Variants in ZNF831 observed in about 807,000 individuals in gnomAD.
ZNF831 encodes the protein zinc finger protein 831, also known as chromosome 20 open reading frame 174.
ZNF831 carries 59 observed loss-of-function variants against 95.8 expected under a neutral mutation model. That is an observed-to-expected ratio of 0.62 (90% CI 0.50 to 0.77). ZNF831 has a LOEUF of 0.77. Among genes scored for constraint, ZNF831 ranks in the 30% least tolerant of loss-of-function variants. ZNF831 has a pLI of 0.00. For missense variants in ZNF831, 2,205 were observed against 2,164.0 expected, an observed-to-expected ratio of 1.02 and a Z score of -0.38; for synonymous variants, 961 against 925.5, an observed-to-expected ratio of 1.04 and a Z score of -0.70.
At chr20:59,219,558 G>A (rs56278419) in intron 4 of ZNF831, among the ~76,000 whole-genome samples, 1 of 152,258 alleles carries the variant, frequency 6.6e-6, no homozygotes, top group African/African-American at 2.4e-5. Flanking sequence ...AGCATAAACA[G>A]GAGCATAGCA....
rs570218714 is a variant in ZNF831 at position 59,197,749 on chromosome 20, C to A, written c.3875+1744C>A. Among the ~76,000 whole-genome samples, 4 of 152,272 alleles carry A rather than the reference C, an allele frequency of 2.6e-5. No homozygotes were observed. In the South Asian group the frequency reaches 8.3e-4, roughly 32 times the overall value. On this transcript the variant is annotated intron_variant, in intron 3 of 5. Transcript: ENST00000371030. ...TGGGGCCTCTAAGCCTCATCATCAG[C>A]CCTGGCCCAAACTTGGTGGTGTGGG...
At chr20:59,138,887 G>T (rs541525716) in intron 1 of ZNF831, among the ~76,000 whole-genome samples, 3 of 152,292 alleles carry the variant, frequency 2.0e-5, no homozygotes, top group South Asian at 2.1e-4. Context: ...ACAGCCAGTG[G>T]ATGTTCCCTT....
chr20:59,161,321 G>A (rs747865419), upstream of ZNF831, among the ~76,000 whole-genome samples: 13 of 151,562 alleles, frequency 8.6e-5, no homozygotes, highest in African/African-American at 2.9e-4. Context: ...TCTGTAGTCC[G>A]GGCTGGAGTG....
intron 3 of ZNF831, among the ~76,000 whole-genome samples, chr20:59,202,060 A>G (rs1984569431): frequency 6.6e-6 from 1 of 152,176 alleles, no homozygotes; most frequent in South Asian, 2.1e-4. Flanking sequence ...TCAATGTCCA[A>G]TGCCCTGAAC....
At position 59,258,256 on chromosome 20, in the gene ZNF831, C is replaced by A. The variant is rs1421941567; in HGVS notation, c.*3513C>A. ...GCATGGTGGGTAACCTAGGGCAAGA[C>A]AGACTTTTTCTTCCTGAAATCACTC... On this transcript the variant is annotated 3_prime_UTR_variant, in exon 6 of 6. Transcript: ENST00000371030. 6.6e-6 allele frequency: 1 copy of A among 152,408 alleles called. No individual in the cohort carries two copies. The highest frequency in any genetic ancestry group is 2.4e-5 in the African/African-American group (1 of 41,428). The allele number at this position is 152,408 out of a possible 1,614,324, so 9.4% of individuals were successfully genotyped here. A position where few individuals can be genotyped will look rare whatever the true frequency, so the allele number is the denominator to read the frequency against.
chr20:59,251,933 TA>T, intron 4 of ZNF831, among the ~76,000 whole-genome samples: 1 of 152,284 alleles, frequency 6.6e-6, no homozygotes, highest in East Asian at 1.9e-4. Context: ...AATATTCGCC[TA>T]AATGAAAACA....
chr20:59,173,775 G>C (rs1216894720), intron 1 of ZNF831, among the ~76,000 whole-genome samples: 1 of 152,104 alleles, frequency 6.6e-6, no homozygotes, highest in Non-Finnish European at 1.5e-5. Context: ...GTAGACTTCT[G>C]TGCCCAGTCA....
intron 4 of ZNF831, among the ~76,000 whole-genome samples, chr20:59,247,654 T>A (rs1422963453): frequency 6.6e-6 from 1 of 152,220 alleles, no homozygotes; most frequent in Non-Finnish European, 1.5e-5. Flanking sequence ...GATTAATTAA[T>A]AGTCTAGGAA....
intron 1 of ZNF831, among the ~76,000 whole-genome samples, chr20:59,141,231 GA>G (rs1258865304): frequency 2.6e-5 from 4 of 152,086 alleles, no homozygotes; most frequent in African/African-American, 9.7e-5. Context: ...CTAATTTATT[GA>G]TTTTTTTTCT....
intron 1 of ZNF831, among the ~76,000 whole-genome samples, chr20:59,140,334 A>G (rs1027260230): frequency 3.3e-5 from 5 of 152,192 alleles, no homozygotes; most frequent in African/African-American, 1.2e-4. Flanking sequence ...GAGAAGAGCT[A>G]GAGTTTTGTT....
intron 4 of ZNF831, among the ~76,000 whole-genome samples, chr20:59,250,485 C>T (rs1240862740): frequency 6.6e-6 from 1 of 152,156 alleles, no homozygotes; most frequent in East Asian, 1.9e-4. Flanking sequence ...GTAAAGAACA[C>T]CAAGTCAGCT....
At chr20:59,167,533 C>T (rs1981378151) in intron 1 of ZNF831, among the ~76,000 whole-genome samples, 1 of 151,808 alleles carries the variant, frequency 6.6e-6, no homozygotes, top group African/African-American at 2.4e-5. Context: ...CTTTAGAAGT[C>T]CTAAAGATTT....
At position 59,231,732 on chromosome 20, in the gene ZNF831, C is replaced by T. The variant is rs541505487; in HGVS notation, c.4028-21246C>T. 2.8e-3 allele frequency among the ~76,000 whole-genome samples: 423 copies of T among 152,256 alleles called. 1 individual carries two copies. The highest frequency in any genetic ancestry group is 9.2e-3 in the African/African-American group (380 of 41,528). On this transcript the variant is annotated intron_variant, in intron 4 of 5. Transcript: ENST00000371030. ...CTCTCTGCACTTTCTCCCCACTGTC[C>T]GCCCCTTGCCGTTTGTAAAAGAAGG...
chr20:59,201,879 A>G (rs1984554754), intron 3 of ZNF831, among the ~76,000 whole-genome samples: 1 of 152,248 alleles, frequency 6.6e-6, no homozygotes, highest in Non-Finnish European at 1.5e-5. Context: ...GAAATAGACC[A>G]TGCTGTGGTC....
At chr20:59,123,657 G>GGCAAGGAGGAAGAAAGC (rs147332833) in intron 1 of ZNF831, among the ~76,000 whole-genome samples, 18,795 of 152,040 alleles carry the variant, frequency 0.12, 1,265 homozygotes, top group Non-Finnish European at 0.14. Flanking sequence ...TGACAAGCAG[G>GGCAAGGAGGAAGAAAGC]GCAAGGAGGA....
chr20:59,133,521 C>A (rs115522966), intron 1 of ZNF831, among the ~76,000 whole-genome samples: 1 of 152,140 alleles, frequency 6.6e-6, no homozygotes, highest in Non-Finnish European at 1.5e-5. Context: ...ACCAGATGGC[C>A]CTGCCCATGG....
chr20:59,254,330 A>G lies in ZNF831; in HGVS notation c.4621A>G (p.Thr1541Ala). 4.3e-6 allele frequency: 7 copies of G among 1,613,992 alleles called. 1 individual carries two copies. In the South Asian group the frequency reaches 7.7e-5, roughly 18 times the overall value. The change falls in exon 6 of 6, where the codon ACC becomes GCC. Residue 1541 changes from threonine (T) to alanine (A), a missense_variant. Transcript: ENST00000371030. This position sits in a 1 kb window ranked among gnomAD's most constrained non-coding sequence, Gnocchi z 4.5. ...AGTCACAGAAGAGGGCAGAGCACAG[A>G]CCCTCTTGCCAGGGAGACCTTCATC... is the stretch of plus-strand genomic sequence containing the variant. ...SKVTEEGRAQ[T>A]LLPGRPSSGQ...
chr20:59,136,945 T>C (rs1979528769), intron 1 of ZNF831, among the ~76,000 whole-genome samples: 1 of 152,166 alleles, frequency 6.6e-6, no homozygotes, highest in South Asian at 2.1e-4. Context: ...GTCCCAACCT[T>C]AAAGGGAAGG....
At chr20:59,136,040 C>T (rs1006255311) in intron 1 of ZNF831, among the ~76,000 whole-genome samples, 1 of 152,184 alleles carries the variant, frequency 6.6e-6, no homozygotes, top group Non-Finnish European at 1.5e-5. Context: ...CAAGCTTATT[C>T]AGCTTGTCAT....
Sources: allele counts gnomAD v4.1 joint callset (sites outside exome capture counted in the v4.1 genomes callset), GRCh38; gene constraint gnomAD v4.1.1; non-coding constraint Gnocchi (gnomAD v3.1); transcripts MANE v1.5; gene names NCBI Gene and HGNC (gene_info 2026-07-23, HGNC 2026-07-21).